Variants in ZNF461 observed in about 807,000 individuals in gnomAD.
ZNF461 encodes gonadotropin-inducible ovarian transcription factor-1.
Under a neutral mutation model 18.3 loss-of-function variants are expected in ZNF461, and 16 were observed. That is an observed-to-expected ratio of 0.88 (90% CI 0.59 to 1.33). The LOEUF is 1.33. Ranked by LOEUF, ZNF461 falls within the 40% of genes most tolerant of loss-of-function variation. ZNF461 has a pLI of 0.00. For synonymous variants in ZNF461, 179 were observed against 216.9 expected, an observed-to-expected ratio of 0.83 and a Z score of 1.54; for missense variants, 595 against 669.9, an observed-to-expected ratio of 0.89 and a Z score of 1.23.
In ZNF461 at chr19:36,664,681, A is replaced by G; in HGVS notation, c.9+17T>C. On this transcript the variant is annotated intron_variant, in intron 2 of 5. Coordinates refer to ENST00000588268, the MANE Select transcript of ZNF461 (RefSeq NM_153257.5). ...AAATCAAGTATTGTAATTAGGAGCA[A>G]GAAAAAACCAACTTACATGGGCCAT... 1 of 1,525,544 alleles carries G rather than the reference A, an allele frequency of 6.6e-7. No homozygotes were observed. Among genetic ancestry groups the G allele is most frequent in the Non-Finnish European group, 8.7e-7 (1 of 1,144,386 alleles). The allele number at this position is 1,525,544 out of a possible 1,614,324, so 94.5% of individuals were successfully genotyped here. A position where few individuals can be genotyped will look rare whatever the true frequency, so the allele number is the denominator to read the frequency against.
Position 36,658,419 on chromosome 19 carries a change from C to G in ZNF461, c.16G>C (p.Val6Leu). 6.2e-7 allele frequency: 1 copy of G among 1,606,396 alleles called. No individual in the cohort carries two copies. The highest frequency in any genetic ancestry group is 8.5e-7 in the Non-Finnish European group (1 of 1,176,874). The change falls in exon 3 of 6, where the codon GTG becomes CTG. Residue 6 changes from valine to leucine, a missense_variant. Transcript: ENST00000588268. Reference sequence around the variant, plus strand: ...TCTATAGCCACATCTCTGAACATCACCAACTCCTAAAATGACAAATAATAG... The same window carrying G: ...TCTATAGCCACATCTCTGAACATCAGCAACTCCTAAAATGACAAATAATAG... The part of the protein sequence containing the change: MAHEL[V>L]MFRDVAIDVS...
rs534785240 is a variant in ZNF461, at chr19:36,644,042, C to T, written c.233-180G>A. Among the ~76,000 whole-genome samples, 11 of 152,274 alleles carry T rather than the reference C, an allele frequency of 7.2e-5. No homozygotes were observed. The East Asian group carries it at 2.1e-3, about 29-fold the overall frequency. ...CCGCCTACTGGGTTCAAGCGATTCT[C>T]CTGCTTCAGCCTCCCAAGTAGCTGG... On this transcript the variant is annotated intron_variant, in intron 4 of 5. Coordinates refer to ENST00000588268, the MANE Select transcript of ZNF461 (RefSeq NM_153257.5).
intron 4 of ZNF461, among the ~76,000 whole-genome samples, chr19:36,650,262 A>C (rs958779964): frequency 6.6e-6 from 1 of 152,158 alleles, no homozygotes. Flanking sequence ...CTATAAGTAC[A>C]TATATACATC....
intron 3 of ZNF461, chr19:36,658,025 T>C (rs1381121281): frequency 5.1e-6 from 2 of 390,644 alleles, no homozygotes; most frequent in South Asian, 3.7e-5. Flanking sequence ...GACAGTGTTA[T>C]GCTTTAACAT....
At chr19:36,658,810 T>C (rs2145410062) in intron 2 of ZNF461, among the ~76,000 whole-genome samples, 1 of 152,350 alleles carries the variant, frequency 6.6e-6, no homozygotes, top group Non-Finnish European at 1.5e-5. Flanking sequence ...ATGACTATCA[T>C]GCCATAGGCA....
At chr19:36,655,828 T>C (rs193169350) in intron 4 of ZNF461, among the ~76,000 whole-genome samples, 1 of 152,290 alleles carries the variant, frequency 6.6e-6, no homozygotes, top group African/African-American at 2.4e-5. Context: ...CTTTGATCCA[T>C]TCTGAGTTAA....
chr19:36,657,062 C>T (rs954182582), intron 3 of ZNF461, among the ~76,000 whole-genome samples: 20 of 151,880 alleles, frequency 1.3e-4, no homozygotes, highest in Admixed American at 2.6e-4. Flanking sequence ...TCAGGTGATC[C>T]ACTTGCCTCA....
rs1017095297 is a variant in ZNF461 at position 36,638,637 on chromosome 19, T to G, written c.*16A>C. On this transcript the variant is annotated 3_prime_UTR_variant, in exon 6 of 6. Transcript: ENST00000588268. ...TTAAATAAAACAAAGACAATGTATA[T>G]TTCCATCAACAAATTTCATGATGCT... The G allele has an allele frequency of 6.4e-7, 1 of 1,566,660 alleles. No individual in the cohort carries two copies.
chr19:36,638,682 G>A lies in ZNF461; in HGVS notation c.1663C>T (p.Leu555Phe). ...TGEKPVRFPLLPPHPSLAS is the reference protein window; with the variant it reads ...TGEKPVRFPLFPPHPSLAS ...GATGCTAGACTAGGATGGGGAGGGA[G>A]GAGAGGAAACCTGACTGGCTTCTCG... Residue 555 changes from leucine (L) to phenylalanine (F), a missense_variant, in exon 6 of 6, where the codon CTC (leucine) becomes TTC (phenylalanine). By Grantham distance (22) the Leu-to-Phe change is conservative. Coordinates refer to ENST00000588268, the MANE Select transcript of ZNF461 (RefSeq NM_153257.5). The A allele has an allele frequency of 6.2e-7, 1 of 1,610,440 alleles. No individual in the cohort carries two copies. Among genetic ancestry groups the A allele is most frequent in the Non-Finnish European group, 8.5e-7 (1 of 1,178,566 alleles).
At position 36,658,366 on chromosome 19, in the gene ZNF461, C is replaced by T. The variant is rs369096760; in HGVS notation, c.69G>A (p.Leu23=). ...IDVSQEEWEC[L]NPAQRNLYKE... is the part of the protein sequence containing the mutation. ...TGTACAAATTCCTCTGCGCTGGGTT[C>T]AGGCATTCCCATTCCTCCTGAGAGA... Residue 23 remains leucine, a synonymous_variant, in exon 3 of 6, where the codon CTG becomes CTA. Transcript: ENST00000588268. 1.6e-5 allele frequency: 26 copies of T among 1,611,642 alleles called. No homozygotes were observed. In the African/African-American group the frequency reaches 3.3e-4, roughly 21 times the overall value.
At chr19:36,653,746 A>G (rs2037668124) in intron 4 of ZNF461, among the ~76,000 whole-genome samples, 2 of 152,118 alleles carry the variant, frequency 1.3e-5, no homozygotes, top group Admixed American at 1.3e-4. Context: ...CTCCCACAAC[A>G]CGTGGGAATT....
Position 36,650,254 on chromosome 19 carries a change from A to G in ZNF461, c.232+6194T>C, listed in dbSNP as rs184882664. Reference sequence around the variant, plus strand: ...AAAGGAAAAAATTTTCAAAACAACTATAAGTACATATATACATCCTTTATA... The same window carrying G: ...AAAGGAAAAAATTTTCAAAACAACTGTAAGTACATATATACATCCTTTATA... On this transcript the variant is annotated intron_variant, in intron 4 of 5. Coordinates refer to ENST00000588268, the MANE Select transcript of ZNF461 (RefSeq NM_153257.5). Among the ~76,000 whole-genome samples the G allele has an allele frequency of 3.8e-3, 571 of 152,234 alleles. 6 individuals carry two copies. The highest frequency in any genetic ancestry group is 4.9e-3 in the Non-Finnish European group (335 of 68,006).
chr19:36,660,702 A>T (rs73929135), intron 2 of ZNF461, among the ~76,000 whole-genome samples: 2,602 of 102,644 alleles, frequency 0.025, 30 homozygotes, highest in Middle Eastern at 0.042. Flanking sequence ...TGATTTTTTT[A>T]AAAAAAAAAA....
At chr19:36,666,512 C>T (rs764326110) in intron 1 of ZNF461, among the ~76,000 whole-genome samples, 178 bp downstream of exon 1, 3 of 152,210 alleles carry the variant, frequency 2.0e-5, no homozygotes, top group Non-Finnish European at 2.9e-5. Context: ...CACAATCACA[C>T]TGTCACTAAA....
intron 4 of ZNF461, among the ~76,000 whole-genome samples, chr19:36,652,179 TA>T (rs1331529672): frequency 1.3e-5 from 2 of 152,012 alleles, no homozygotes; most frequent in African/African-American, 4.8e-5. Flanking sequence ...ACCACGAACT[TA>T]AATGAAAAAT....
At position 36,639,057 on chromosome 19, in the gene ZNF461, G is replaced by C; in HGVS notation, c.1288C>G (p.Leu430Val). Residue 430 changes from leucine to valine, a missense_variant, in exon 6 of 6, where the codon CTA becomes GTA. Leu to Val is a conservative substitution (Grantham distance 32). Transcript: ENST00000588268. ...KAFCDGLQLTLHQRIHTGEKP... is the reference protein window; with the variant it reads ...KAFCDGLQLTVHQRIHTGEKP... ...TCACCAGTATGAATCCTCTGATGTAGGGTTAGTTGTAAGCCATCACAAAAA... is the reference window on the plus strand; with the variant it reads ...TCACCAGTATGAATCCTCTGATGTACGGTTAGTTGTAAGCCATCACAAAAA... 1.9e-6 allele frequency: 3 copies of C among 1,613,250 alleles called. No homozygotes were observed. Among genetic ancestry groups the C allele is most frequent in the Non-Finnish European group, 1.7e-6 (2 of 1,179,856 alleles).
At chr19:36,640,186 C>T (rs982802581) in intron 5 of ZNF461, 143 bp from the exon 6 acceptor site, 1 of 664,192 alleles carries the variant, frequency 1.5e-6, no homozygotes, top group Non-Finnish European at 2.4e-6. Flanking sequence ...TAAAGGAGCA[C>T]AGGGAAATGA....
chr19:36,658,003 T>G (rs1230981623), intron 3 of ZNF461: 2 of 301,818 alleles, frequency 6.6e-6, no homozygotes, highest in African/African-American at 4.4e-5. Context: ...AAAGACAGAG[T>G]CTGCTTTCTT....
intron 2 of ZNF461, among the ~76,000 whole-genome samples, chr19:36,662,754 C>A (rs541011169): frequency 6.6e-6 from 1 of 152,198 alleles, no homozygotes; most frequent in East Asian, 1.9e-4. Context: ...TCACTATATT[C>A]AGGCAACATT....
Sources: allele counts gnomAD v4.1 joint callset (sites outside exome capture counted in the v4.1 genomes callset), GRCh38; gene constraint gnomAD v4.1.1; transcripts MANE v1.5; gene names NCBI Gene and HGNC (gene_info 2026-07-23, HGNC 2026-07-21).